Variants in DLG5 observed in about 807,000 individuals in gnomAD.
DLG5 encodes the protein disks large homolog 5.
Under a neutral mutation model 189.8 loss-of-function variants are expected in DLG5, and 48 were observed. The ratio of observed to expected loss-of-function variants is 0.25; its 90% CI spans 0.20 to 0.32. The LOEUF (loss-of-function observed/expected upper bound fraction) is 0.32, where lower values mean the gene tolerates loss of function less well. DLG5 is among the 10% of genes least tolerant of loss of function. The pLI, the probability that DLG5 is intolerant of heterozygous loss-of-function variation, is 1.00. For missense variants in DLG5, 2,160 were observed against 2,544.7 expected, an observed-to-expected ratio of 0.85 and a Z score of 3.25; for synonymous variants, 1,016 against 1,054.1, an observed-to-expected ratio of 0.96 and a Z score of 0.70.
intron 13 of DLG5, 93 bp downstream of exon 13, chr10:77,828,789 A>G: frequency 8.1e-7 from 1 of 1,232,786 alleles, no homozygotes; most frequent in Non-Finnish European, 1.2e-6. Context: ...CAAGGAAAAT[A>G]TAAAAACTTT....
intron 1 of DLG5, among the ~76,000 whole-genome samples, chr10:77,891,155 C>G (rs1459256320): frequency 1.3e-5 from 2 of 152,176 alleles, no homozygotes; most frequent in Non-Finnish European, 2.9e-5. Flanking sequence ...CTATGCATGC[C>G]TCCCTATGGT....
chr10:77,868,855 T>C (rs1844791528), intron 2 of DLG5: 1 of 478,492 alleles, frequency 2.1e-6, no homozygotes, highest in Non-Finnish European at 3.7e-6. Flanking sequence ...GGGGTGGGGA[T>C]GGTGGGTCAA....
intron 16 of DLG5, 54 bp downstream of exon 16, chr10:77,819,841 G>A (rs1842245946): frequency 2.0e-6 from 3 of 1,505,550 alleles, no homozygotes; most frequent in South Asian, 2.7e-5. Flanking sequence ...CTGGAGACTA[G>A]GCATCCCGAG....
intron 1 of DLG5, among the ~76,000 whole-genome samples, chr10:77,904,116 G>C (rs1226658026): frequency 1.3e-5 from 2 of 152,114 alleles, no homozygotes; most frequent in African/African-American, 4.8e-5. Flanking sequence ...AAGAGTTTGA[G>C]GCTGTAGTGC....
intron 1 of DLG5, among the ~76,000 whole-genome samples, chr10:77,922,449 T>G (rs1376384988): frequency 6.6e-6 from 1 of 152,172 alleles, no homozygotes; most frequent in African/African-American, 2.4e-5. Flanking sequence ...TACCACCAGC[T>G]GGGGCAAAGG....
At chr10:77,934,842 C>CTTTTTTTTTTTTTTTTTTTTTTTTT in the DLG5 span, among the ~76,000 whole-genome samples, 1 of 145,032 alleles carries the variant, frequency 6.9e-6, no homozygotes, top group African/African-American at 2.7e-5. Context: ...GGGTGCTGTT[C>CTTTTTTTTTTTTTTTTTTTTTTTTT]TTTTTTTTTG....
In DLG5 at chr10:77,822,044, A is replaced by C; in HGVS notation, c.2440T>G (p.Ser814Ala). ...GCTCGAAAACTCAGCATCTTATCAG[A>C]GTCTTTGATATTTTCAAAAATGTTC... ...GQNIFENIKD[S>A]DKMLSFRAHG... Residue 814 changes from serine to alanine, a missense_variant, in exon 15 of 32, where the codon TCT becomes GCT. This residue lies in a region of DLG5 where 754 missense variants were observed against 746.5 expected (regional missense o/e 1.01). Coordinates refer to ENST00000372391, the MANE Select transcript of DLG5 (RefSeq NM_004747.4). 8.1e-6 allele frequency: 13 copies of C among 1,614,138 alleles called. No homozygotes were observed. Among genetic ancestry groups the C allele is most frequent in the Middle Eastern group, 1.6e-4 (1 of 6,062 alleles).
At chr10:77,807,290 T>C (rs1841525622) in intron 25 of DLG5, among the ~76,000 whole-genome samples, 2 of 152,186 alleles carry the variant, frequency 1.3e-5, no homozygotes, top group Admixed American at 1.3e-4. Flanking sequence ...TATGTCATCT[T>C]CTACCCTAGA....
chr10:77,901,372 C>T (rs1845922259), intron 1 of DLG5, among the ~76,000 whole-genome samples: 1 of 152,178 alleles, frequency 6.6e-6, no homozygotes, highest in African/African-American at 2.4e-5. Context: ...TTTACAGGGA[C>T]AACTGGTAAA....
intron 1 of DLG5, among the ~76,000 whole-genome samples, chr10:77,893,814 G>C (rs1781824): frequency 0.067 from 10,140 of 152,294 alleles, 507 homozygotes; most frequent in Admixed American, 0.13. Flanking sequence ...TGGATCAATG[G>C]GGGATGGGGG....
chr10:77,896,222 A>G (rs1262930247), intron 1 of DLG5, among the ~76,000 whole-genome samples: 1 of 152,182 alleles, frequency 6.6e-6, no homozygotes, highest in Non-Finnish European at 1.5e-5. Context: ...AACCATGGAT[A>G]ATCCAGATTT....
Position 77,859,357 on chromosome 10 carries a change from C to T in DLG5, c.374-2465G>A, listed in dbSNP as rs369935548. 2.4e-4 allele frequency among the ~76,000 whole-genome samples: 37 copies of T among 152,350 alleles called. No individual in the cohort carries two copies. In the East Asian group the frequency reaches 3.1e-3, roughly 13 times the overall value. On this transcript the variant is annotated intron_variant, in intron 2 of 31. Transcript: ENST00000372391. ...TGTTTACAAAGCCTACAGCGGTGTACAGTCATGTTTTAGGCCCTCACATTC... is the reference window on the plus strand; with the variant it reads ...TGTTTACAAAGCCTACAGCGGTGTATAGTCATGTTTTAGGCCCTCACATTC...
intron 2 of DLG5, chr10:77,867,145 C>T (rs1011186759): frequency 6.7e-6 from 3 of 450,198 alleles, no homozygotes; most frequent in East Asian, 1.4e-4. Flanking sequence ...ACGGCCATGA[C>T]GCTTCTTCCA....
intron 20 of DLG5, chr10:77,816,110 C>A: frequency 2.1e-6 from 1 of 474,828 alleles, no homozygotes; most frequent in East Asian, 6.6e-5. Flanking sequence ...GAATGAGTCC[C>A]GGTGCCAGCC....
chr10:77,905,769 C>A lies in DLG5; in HGVS notation c.304+20448G>T, dbSNP rs565979313. 5.9e-5 allele frequency among the ~76,000 whole-genome samples: 9 copies of A among 152,276 alleles called. No individual in the cohort carries two copies. In the South Asian group the frequency reaches 1.9e-3, roughly 32 times the overall value. On this transcript the variant is annotated intron_variant, in intron 1 of 31. Transcript: ENST00000372391. ...GAAAGAGATGTATTTATTTCCTCTT[C>A]TCTCTCTCGTCTTATTTATTTCCTT...
At chr10:77,884,556 G>T (rs1845381848) in intron 1 of DLG5, among the ~76,000 whole-genome samples, 1 of 152,096 alleles carries the variant, frequency 6.6e-6, no homozygotes, top group East Asian at 1.9e-4. Flanking sequence ...TCGGCACTTA[G>T]CAGGCTTCCC....
In DLG5 at chr10:77,843,539, C is replaced by G; in HGVS notation, c.1032G>C (p.Glu344Asp). Residue 344 changes from glutamate to aspartate, a missense_variant, in exon 6 of 32, where the codon GAG becomes GAC. Physicochemically the swap from Glu to Asp is conservative, Grantham distance 45. Transcript: ENST00000372391. Reference protein sequence around the residue: ...DLSRLEQLGEENQRLLKQTEM... With the variant: ...DLSRLEQLGEDNQRLLKQTEM... ...CTGTCTGCTTCAGCAACCGCTGGTT[C>G]TCCTCCCCCAGCTGCTCCAGGCGGC... The G allele has an allele frequency of 6.2e-7, 1 of 1,614,184 alleles. No homozygotes were observed. Among genetic ancestry groups the G allele is most frequent in the Non-Finnish European group, 8.5e-7 (1 of 1,180,028 alleles).
intron 1 of DLG5, among the ~76,000 whole-genome samples, chr10:77,924,458 C>A (rs1479017736): frequency 6.6e-6 from 1 of 152,180 alleles, no homozygotes; most frequent in Non-Finnish European, 1.5e-5. Flanking sequence ...GAGATTAAGG[C>A]GAGCGTTGAT....
At chr10:77,882,239 G>A (rs1232578073) in intron 1 of DLG5, among the ~76,000 whole-genome samples, 1 of 152,216 alleles carries the variant, frequency 6.6e-6, no homozygotes, top group African/African-American at 2.4e-5. Flanking sequence ...GGATGGACAT[G>A]GGCTCCCTCT....
Sources: gnomAD v4.1 joint callset for allele counts (sites outside exome capture counted in the v4.1 genomes callset) on GRCh38, gnomAD v4.1.1 for gene constraint, gnomAD v4.1.1 regional missense constraint, MANE v1.5 for transcripts, NCBI Gene and HGNC (gene_info 2026-07-23, HGNC 2026-07-21) for gene names.